DST: variants seen among roughly 807,000 people sequenced by gnomAD.
The protein encoded by DST is bullous pemphigoid antigen.
In DST, 253 loss-of-function variants were observed where a neutral mutation model predicts 875.2. The ratio of observed to expected loss-of-function variants is 0.29; its 90% confidence interval spans 0.26 to 0.32. The LOEUF (loss-of-function observed/expected upper bound fraction) is 0.32. Among genes scored for constraint, DST ranks in the 10% least tolerant of loss-of-function variants. The pLI, the probability that DST is intolerant of heterozygous loss-of-function variation, is 1.00. For synonymous variants in DST, 3,124 were observed against 3,197.1 expected (o/e 0.98, Z 0.77); for missense variants, 8,287 against 9,111.6 (o/e 0.91, Z 3.68).
chr6:56,470,452 A>T (rs2094827708), intron 95 of DST, among the ~76,000 whole-genome samples, 170 bp from the exon 96 acceptor site: 1 of 152,166 alleles, frequency 6.6e-6, no homozygotes, highest in Non-Finnish European at 1.5e-5. Flanking sequence ...AGTTATATAT[A>T]ATCTTAATTT....
At chr6:56,634,065 T>C in intron 27 of DST, 67 bp downstream of exon 27, 1 of 1,581,658 alleles carries the variant, frequency 6.3e-7, no homozygotes, top group South Asian at 1.1e-5. Context: ...ATACAAACTC[T>C]ACGACACATA....
intron 61 of DST, 130 bp from the exon 62 acceptor site, chr6:56,537,070 G>T (rs1377727950): frequency 3.9e-6 from 3 of 774,092 alleles, no homozygotes; most frequent in Non-Finnish European, 6.0e-6. Context: ...AATTTTTATT[G>T]TCTAGCCATA....
intron 82 of DST, 80 bp downstream of exon 82, chr6:56,497,299 G>T: frequency 6.6e-7 from 1 of 1,509,266 alleles, no homozygotes; most frequent in South Asian, 1.3e-5. Flanking sequence ...CTTCTCCCAC[G>T]ATTTATGTAT....
At chr6:56,877,049 T>C (rs1267822267) in intron 3 of DST, among the ~76,000 whole-genome samples, 1 of 152,224 alleles carries the variant, frequency 6.6e-6, no homozygotes, top group Non-Finnish European at 1.5e-5. Context: ...TGTATCAAAG[T>C]AAAATGTGCC....
At chr6:56,568,399 A>T (rs2097719329) in intron 55 of DST, 70 bp downstream of exon 55, 2 of 1,501,162 alleles carry the variant, frequency 1.3e-6, no homozygotes, top group Admixed American at 4.6e-5. Context: ...TTTAAAAAAT[A>T]ACATACACAA....
intron 78 of DST, among the ~76,000 whole-genome samples, chr6:56,503,450 A>G (rs1017297782): frequency 6.6e-6 from 1 of 152,114 alleles, no homozygotes; most frequent in African/African-American, 2.4e-5. Context: ...AAAATTAAAA[A>G]TATCAGGAAA....
chr6:56,686,540 T>C (rs967106313), intron 9 of DST, among the ~76,000 whole-genome samples: 1 of 152,258 alleles, frequency 6.6e-6, no homozygotes, highest in Non-Finnish European at 1.5e-5. Flanking sequence ...AGTTTCATGC[T>C]ACCTTATCTA....
intron 4 of DST, among the ~76,000 whole-genome samples, chr6:56,746,762 G>C (rs1290584380): frequency 6.6e-6 from 1 of 152,108 alleles, no homozygotes. Context: ...ATAACTGTGA[G>C]GGAAAAATGT....
rs866521325 is a variant in DST, at chr6:56,705,207, T to C, written c.688-838A>G. On this transcript the variant is annotated intron_variant, in intron 5 of 103. Coordinates refer to ENST00000680361, the MANE Select transcript of DST (RefSeq NM_001374736.1). ...AGGTATTAAGATGGCTGTTCCACAG[T>C]GGACTGGCACATTTCCATTTTCTCG... is the stretch of plus-strand genomic sequence containing the variant. 3.3e-5 allele frequency among the ~76,000 whole-genome samples: 5 copies of C among 152,224 alleles called. No individual in the cohort carries two copies. The South Asian group carries it at 1.0e-3, about 32-fold the overall frequency.
Position 56,458,966 on chromosome 6 carries a change from A to G in DST, c.*39T>C. 8 of 1,500,334 alleles carry G rather than the reference A, an allele frequency of 5.3e-6. No individual in the cohort carries two copies. The highest frequency in any genetic ancestry group is 7.1e-6 in the Non-Finnish European group (8 of 1,122,938). The allele number at this position is 1,500,334 out of a possible 1,614,324, so 92.9% of individuals were successfully genotyped here. ...ATTTTACATCGTTCAAACTTAAATA[A>G]TAAATGCTCAAGGAAGGGCCTTGGT... On this transcript the variant is annotated 3_prime_UTR_variant, in exon 104 of 104. Transcript: ENST00000680361.
At chr6:56,500,771 G>A (rs1467537632) in intron 80 of DST, among the ~76,000 whole-genome samples, 1 of 152,096 alleles carries the variant, frequency 6.6e-6, no homozygotes, top group Non-Finnish European at 1.5e-5. Context: ...ACAATGACAG[G>A]TATAATTAAG....
At chr6:56,680,379 T>TCA (rs1172147621) in intron 9 of DST, among the ~76,000 whole-genome samples, 2 of 152,198 alleles carry the variant, frequency 1.3e-5, no homozygotes, top group Non-Finnish European at 2.9e-5. Flanking sequence ...AGATCATCTA[T>TCA]CACCTCTTCC....
intron 3 of DST, among the ~76,000 whole-genome samples, chr6:56,872,293 T>C (rs932747857): frequency 2.0e-5 from 3 of 152,234 alleles, no homozygotes; most frequent in Admixed American, 6.5e-5. Context: ...TGAAAAAAGG[T>C]AGTTTCAAAT....
At chr6:56,535,987 ATATG>A (rs1416866139) in intron 62 of DST, among the ~76,000 whole-genome samples, 2 of 152,258 alleles carry the variant, frequency 1.3e-5, no homozygotes, top group African/African-American at 4.8e-5. Flanking sequence ...TGCACTACAC[ATATG>A]TATCAGACTT....
At chr6:56,705,749 T>C (rs1004495271) in intron 5 of DST, among the ~76,000 whole-genome samples, 2 of 152,210 alleles carry the variant, frequency 1.3e-5, no homozygotes, top group African/African-American at 2.4e-5. Context: ...ATAATATAAA[T>C]ACTAAGCTTA....
At chr6:56,800,160 T>C (rs564145103) in intron 4 of DST, among the ~76,000 whole-genome samples, 58 of 152,244 alleles carry the variant, frequency 3.8e-4, no homozygotes, top group South Asian at 2.1e-3. Context: ...TAATTCCAAA[T>C]AGACTGTGGG....
intron 49 of DST, among the ~76,000 whole-genome samples, chr6:56,580,870 C>A (rs966785110): frequency 4.0e-5 from 6 of 150,318 alleles, no homozygotes; most frequent in Non-Finnish European, 8.9e-5. Flanking sequence ...TTAGCTAGAA[C>A]CACAGGTGCA....
chr6:56,574,757 T>TTTTAACA (rs2097840834), intron 50 of DST, among the ~76,000 whole-genome samples: 1 of 152,200 alleles, frequency 6.6e-6, no homozygotes, highest in Non-Finnish European at 1.5e-5. Flanking sequence ...GTTTTTAATG[T>TTTTAACA]ATTCATCTCT....
intron 3 of DST, among the ~76,000 whole-genome samples, chr6:56,860,733 T>C (rs1297230395): frequency 6.6e-6 from 1 of 152,204 alleles, no homozygotes; most frequent in Non-Finnish European, 1.5e-5. Flanking sequence ...TAAGCCAATA[T>C]AATTGTCACT....
Sources: allele counts gnomAD v4.1 joint callset (sites outside exome capture counted in the v4.1 genomes callset), GRCh38; gene constraint gnomAD v4.1.1; transcripts MANE v1.5; gene names NCBI Gene and HGNC (gene_info 2026-07-23, HGNC 2026-07-21).